Variants in NLN observed in about 807,000 individuals in gnomAD.
NLN encodes the protein neurolysin, also known as neurolysin, mitochondrial.
In NLN, 64 loss-of-function variants were observed where a neutral mutation model predicts 79.9. That is an observed-to-expected ratio of 0.80 (90% CI 0.65 to 0.99). NLN has a LOEUF of 0.99. NLN is among the 50% of genes least tolerant of loss of function. The pLI is 0.00. For synonymous variants in NLN, 267 were observed against 296.6 expected, an observed-to-expected ratio of 0.90 and a Z score of 1.02; for missense variants, 835 against 858.7, an observed-to-expected ratio of 0.97 and a Z score of 0.34.
At chr5:65,735,826 A>C (rs1758716062) in intron 1 of NLN, among the ~76,000 whole-genome samples, 1 of 152,136 alleles carries the variant, frequency 6.6e-6, no homozygotes, top group Non-Finnish European at 1.5e-5. Context: ...TCAGCCAGAG[A>C]GTTTATGTCC....
In NLN at chr5:65,825,563, T is replaced by A. The variant is rs1286279916; in HGVS notation, c.*2648T>A. 1 of 152,192 alleles carries A rather than the reference T, an allele frequency of 6.6e-6. No homozygotes were observed. Among genetic ancestry groups the A allele is most frequent in the Non-Finnish European group, 1.5e-5 (1 of 68,040 alleles). 9.4% of individuals were successfully genotyped at this position (152,192 alleles called of 1,614,324 possible). On this transcript the variant is annotated 3_prime_UTR_variant, in exon 13 of 13. Coordinates refer to ENST00000380985, the MANE Select transcript of NLN (RefSeq NM_020726.5). ...ATGTAGACTTTGTCCCCCTCTAGTATAAATGTTGCATGTTACCTAGATAAA... is the reference window on the plus strand; with the variant it reads ...ATGTAGACTTTGTCCCCCTCTAGTAAAAATGTTGCATGTTACCTAGATAAA...
intron 2 of NLN, among the ~76,000 whole-genome samples, 187 bp downstream of exon 2, chr5:65,759,013 T>C (rs1341110231): frequency 6.6e-6 from 1 of 152,242 alleles, no homozygotes; most frequent in African/African-American, 2.4e-5. Context: ...TACACTCTGA[T>C]TACACTGCTC....
At chr5:65,781,443 CTTTT>C (rs897372189) in intron 6 of NLN, 22 bp downstream of exon 6, 3 of 1,554,252 alleles carry the variant, frequency 1.9e-6, no homozygotes, top group African/African-American at 2.7e-5. Flanking sequence ...GTTTGTCTTT[CTTTT>C]GTTTTTAATG....
intron 9 of NLN, chr5:65,809,210 A>G (rs1407854630): frequency 1.3e-5 from 3 of 229,292 alleles, no homozygotes; most frequent in African/African-American, 6.8e-5. Context: ...TTCAAAGCTT[A>G]AGGCTTGTTT....
intron 9 of NLN, among the ~76,000 whole-genome samples, chr5:65,796,107 C>G (rs1345303753): frequency 6.6e-6 from 1 of 152,134 alleles, no homozygotes; most frequent in East Asian, 1.9e-4. Flanking sequence ...TTAAGAACTC[C>G]TGAGTTATAG....
At chr5:65,749,990 G>A (rs927481127) in intron 1 of NLN, among the ~76,000 whole-genome samples, 2 of 152,116 alleles carry the variant, frequency 1.3e-5, no homozygotes, top group African/African-American at 2.4e-5. Context: ...TGAGCTACTC[G>A]GTAAATGAGT....
intron 7 of NLN, among the ~76,000 whole-genome samples, chr5:65,787,791 C>G (rs1433736978): frequency 6.6e-6 from 1 of 152,056 alleles, no homozygotes; most frequent in African/African-American, 2.4e-5. Context: ...GTGCTTTTTT[C>G]CCTGAATAAC....
chr5:65,788,737 C>T (rs371265588), intron 8 of NLN, among the ~76,000 whole-genome samples: 18 of 151,938 alleles, frequency 1.2e-4, no homozygotes, highest in Non-Finnish European at 1.6e-4. Context: ...TTTGGGAGGC[C>T]GAGGCAGGTG....
In NLN at chr5:65,754,564, A is replaced by G. The variant is rs77273831; in HGVS notation, c.42-4003A>G. ...TTGTTATTTCTGGAACCCTTGTCCT[A>G]TGGTAAATAAACTCCTCCACTTTTT... On this transcript the variant is annotated intron_variant, in intron 1 of 12. Coordinates refer to ENST00000380985, the MANE Select transcript of NLN (RefSeq NM_020726.5). Among the ~76,000 whole-genome samples, 234 of 152,266 alleles carry G rather than the reference A, an allele frequency of 1.5e-3. No homozygotes were observed. In the East Asian group the frequency reaches 0.035, roughly 23 times the overall value.
chr5:65,791,531 C>G (rs1369995105), intron 8 of NLN, among the ~76,000 whole-genome samples: 1 of 152,116 alleles, frequency 6.6e-6, no homozygotes. Context: ...GCACCCCAGC[C>G]TGGGCAACAG....
At chr5:65,816,626 C>T (rs1760678185) in intron 12 of NLN, among the ~76,000 whole-genome samples, 1 of 151,912 alleles carries the variant, frequency 6.6e-6, no homozygotes, top group South Asian at 2.1e-4. Context: ...GTGTTATTAG[C>T]CAACACTGAG....
At chr5:65,732,704 T>C (rs1267726865) in intron 1 of NLN, among the ~76,000 whole-genome samples, 1 of 143,798 alleles carries the variant, frequency 7.0e-6, no homozygotes, top group African/African-American at 2.6e-5. Context: ...TAGACCTTGC[T>C]CAGTTGAGTT....
At chr5:65,734,796 A>G (rs1758691990) in intron 1 of NLN, among the ~76,000 whole-genome samples, 1 of 152,248 alleles carries the variant, frequency 6.6e-6, no homozygotes, top group Non-Finnish European at 1.5e-5. Flanking sequence ...CCATACTGTC[A>G]GGGCTACATA....
At chr5:65,814,173 C>CA (rs1299242320) in intron 12 of NLN, among the ~76,000 whole-genome samples, 2 of 152,134 alleles carry the variant, frequency 1.3e-5, no homozygotes, top group African/African-American at 4.8e-5. Context: ...ACCTCTCTTT[C>CA]CTTGCTTTTG....
intron 1 of NLN, among the ~76,000 whole-genome samples, chr5:65,747,778 A>G (rs547988460): frequency 6.6e-6 from 1 of 152,312 alleles, no homozygotes; most frequent in East Asian, 1.9e-4. Context: ...CCATTTGAGC[A>G]AGGGATTCTG....
chr5:65,793,491 G>A (rs986248150), intron 9 of NLN: 4 of 152,414 alleles, frequency 2.6e-5, no homozygotes, highest in African/African-American at 9.7e-5. Flanking sequence ...AATTATCCAG[G>A]CATGGTGGTA....
chr5:65,812,402 A>G lies in NLN; in HGVS notation c.1980+11A>G, dbSNP rs568710478. 2.0e-6 allele frequency: 3 copies of G among 1,482,622 alleles called. No individual in the cohort carries two copies. The highest frequency in any genetic ancestry group is 2.8e-6 in the Non-Finnish European group (3 of 1,071,152). The allele number at this position is 1,482,622 out of a possible 1,614,324, so 91.8% of individuals were successfully genotyped here. ...ATAATGAATCCAGAGGTATAGTATT[A>G]TTTTTCTCCTTTTATTAATTTTGTA... On this transcript the variant is annotated intron_variant, in intron 12 of 12. Coordinates refer to ENST00000380985, the MANE Select transcript of NLN (RefSeq NM_020726.5).
intron 1 of NLN, among the ~76,000 whole-genome samples, chr5:65,731,805 T>C (rs1481207011): frequency 2.1e-5 from 3 of 144,334 alleles, no homozygotes; most frequent in African/African-American, 7.8e-5. Context: ...GGCTGGAGTA[T>C]AGTGGAACAA....
intron 3 of NLN, among the ~76,000 whole-genome samples, chr5:65,771,409 A>G (rs949961987): frequency 6.6e-6 from 1 of 152,240 alleles, no homozygotes; most frequent in Non-Finnish European, 1.5e-5. Context: ...TGTCAAAACA[A>G]TCAGGCATAT....
Sources: gnomAD v4.1 joint callset for allele counts (sites outside exome capture counted in the v4.1 genomes callset) on GRCh38, gnomAD v4.1.1 for gene constraint, MANE v1.5 for transcripts, NCBI Gene and HGNC (gene_info 2026-07-23, HGNC 2026-07-21) for gene names.